Variants in DNAH10 observed in about 807,000 individuals in gnomAD.
DNAH10 encodes axonemal beta dynein heavy chain 10.
A neutral mutation model predicts 506.6 loss-of-function variants in DNAH10; 348 were observed. That is an observed-to-expected ratio of 0.69 (90% CI 0.63 to 0.75). The LOEUF (loss-of-function observed/expected upper bound fraction) is 0.75. Among genes scored for constraint, DNAH10 ranks in the 30% least tolerant of loss-of-function variants. The probability of loss-of-function intolerance (pLI) is 0.00; values close to 1 mark genes in which losing one functional copy is unlikely to be tolerated. For synonymous variants in DNAH10, 2,059 were observed against 2,198.6 expected (o/e 0.94, Z 1.78); for missense variants, 5,179 against 5,787.1 (o/e 0.89, Z 3.41).
At position 123,877,727 on chromosome 12, in the gene DNAH10, AT is replaced by A; in HGVS notation, c.8200-4del. 6.2e-7 allele frequency: 1 copy of A among 1,606,628 alleles called. No homozygotes were observed. The highest frequency in any genetic ancestry group is 2.2e-5 in the East Asian group (1 of 44,774). On this transcript the variant is annotated splice_polypyrimidine_tract_variant and splice_region_variant and intron_variant, in intron 47 of 78. Transcript: ENST00000673944. ...TGTGTGTTGGGGGGGGTGTCTTTGC[AT>A]TTTTCAGACGTTTCATGAGAGCATT... is the stretch of plus-strand genomic sequence containing the variant.
Position 123,931,478 on chromosome 12 carries a change from C to A in DNAH10, c.12916+6C>A. 2 of 1,613,196 alleles carry A rather than the reference C, an allele frequency of 1.2e-6. No individual in the cohort carries two copies. The highest frequency in any genetic ancestry group is 1.7e-6 in the Non-Finnish European group (2 of 1,179,494). ...GGAGCTGCAGCCTCAGACAGGTAAA[C>A]TCTACTCAGGAGGACTTCATTAGTT... On this transcript the variant is annotated splice_donor_region_variant and intron_variant, in intron 74 of 78. Transcript: ENST00000673944.
chr12:123,877,823 C>T lies in DNAH10; in HGVS notation c.8287C>T (p.Pro2763Ser), dbSNP rs556641156. ...LYKNIVQDLP[P>S]TPSKFHYIFN... ...CAAAAATATTGTGCAAGACCTACCT[C>T]CCACTCCGTCAAAGTTCCATTACAT... Residue 2763 changes from proline (P) to serine (S), a missense_variant, in exon 48 of 79, where the codon CCC becomes TCC. Pro to Ser is a moderately conservative substitution (Grantham distance 74, BLOSUM62 -1). Transcript: ENST00000673944. 9.3e-6 allele frequency: 15 copies of T among 1,613,996 alleles called. No individual in the cohort carries two copies. In the East Asian group the frequency reaches 1.1e-4, roughly 12 times the overall value.
In DNAH10 at chr12:123,771,729, G is replaced by A. The variant is rs180968493; in HGVS notation, c.396+31G>A. On this transcript the variant is annotated intron_variant, in intron 3 of 78. Coordinates refer to ENST00000673944, the MANE Select transcript of DNAH10 (RefSeq NM_001372106.1). The stretch of plus-strand genomic sequence containing the variant: ...CATGGCTCTTTGTCCTTGTTGGTGG[G>A]GTAATGGGGACCCTTGATGCCCTCT... 2.2e-5 allele frequency: 35 copies of A among 1,558,330 alleles called. No individual in the cohort carries two copies. In the African/African-American group the frequency reaches 2.3e-4, roughly 10 times the overall value.
At chr12:123,820,477 T>C (rs1037374544) in intron 23 of DNAH10, 103 bp from the exon 24 acceptor site, 2 of 1,221,530 alleles carry the variant, frequency 1.6e-6, no homozygotes, top group Admixed American at 2.6e-5. Flanking sequence ...GTGTGGTTTA[T>C]GAGGATGAAA....
At chr12:123,801,472 A>G in intron 16 of DNAH10, 40 bp downstream of exon 16, 2 of 1,591,970 alleles carry the variant, frequency 1.3e-6, no homozygotes, top group Non-Finnish European at 1.7e-6. Flanking sequence ...TAGACTTGGG[A>G]TGCAAAGTAA....
chr12:123,790,532 T>A (rs969565327), intron 11 of DNAH10, among the ~76,000 whole-genome samples: 2 of 152,064 alleles, frequency 1.3e-5, no homozygotes, highest in African/African-American at 4.8e-5. Context: ...CCTTTGGGAT[T>A]GAGGAAGATT....
At chr12:123,799,789 C>T (rs76955253) in intron 14 of DNAH10, among the ~76,000 whole-genome samples, 16,477 of 151,974 alleles carry the variant, frequency 0.11, 1,786 homozygotes, top group African/African-American at 0.28. Context: ...GGTGAATGCT[C>T]GATAAACGAA....
At chr12:123,879,001 C>G (rs763205017) in intron 48 of DNAH10, among the ~76,000 whole-genome samples, 4 of 152,178 alleles carry the variant, frequency 2.6e-5, no homozygotes, top group Admixed American at 2.0e-4. Context: ...ACTTATTTTA[C>G]GTCATTTATA....
chr12:123,847,880 G>C (rs546253252), intron 32 of DNAH10, 81 bp from the exon 33 acceptor site: 1 of 1,520,214 alleles, frequency 6.6e-7, no homozygotes, highest in Non-Finnish European at 8.9e-7. Context: ...TGCACCTATA[G>C]TCACAGTGAT....
chr12:123,910,577 G>T lies in DNAH10; in HGVS notation c.10039G>T (p.Ala3347Ser). ...TAATACCACAACTGAAGAAATGGAA[G>T]CTGTCAGCAAAGCCGGGCTGGGGAT... is the stretch of plus-strand genomic sequence containing the variant. The part of the protein sequence containing the change: ...TLNTTTEEME[A>S]VSKAGLGMLK... The change falls in exon 59 of 79, where the codon GCT (alanine) becomes TCT (serine). Residue 3347 changes from alanine (A) to serine (S), a missense_variant. Physicochemically the swap from Ala to Ser is moderately conservative, Grantham distance 99 (BLOSUM62 1). Coordinates refer to ENST00000673944, the MANE Select transcript of DNAH10 (RefSeq NM_001372106.1). The T allele has an allele frequency of 1.2e-6, 2 of 1,613,784 alleles. No homozygotes were observed. Among genetic ancestry groups the T allele is most frequent in the Non-Finnish European group, 1.7e-6 (2 of 1,179,858 alleles).
Position 123,914,493 on chromosome 12 carries a change from C to T in DNAH10, c.10517C>T (p.Pro3506Leu). 1.2e-6 allele frequency: 2 copies of T among 1,613,738 alleles called. No homozygotes were observed. The highest frequency in any genetic ancestry group is 1.7e-6 in the Non-Finnish European group (2 of 1,179,888). The change falls in exon 61 of 79, where the codon CCC (proline) becomes CTC (leucine). Residue 3506 changes from proline (P) to leucine (L), a missense_variant. Physicochemically the swap from Pro to Leu is moderately conservative, Grantham distance 98. Around this residue, in one of 3 missense-constraint regions of DNAH10, gnomAD observed 4,844 missense variants for 5,430.5 expected, o/e 0.89. Coordinates refer to ENST00000673944, the MANE Select transcript of DNAH10 (RefSeq NM_001372106.1). ...AATGACATCCTGGAGCGGGAGATCC[C>T]CCTGAGCCAGCCTTTCCGGCTGGAA... is the stretch of plus-strand genomic sequence containing the variant. ...WQNDILEREI[P>L]LSQPFRLESL... is the part of the protein sequence containing the mutation.
chr12:123,818,866 C>T lies in DNAH10; in HGVS notation c.3781-84C>T, dbSNP rs1959189916. The stretch of plus-strand genomic sequence containing the variant: ...CTCCTGTTGCCACAAGCAGAAGTCC[C>T]TGGGAGGTAACTTTGACCATCAATT... On this transcript the variant is annotated intron_variant, in intron 21 of 78. Transcript: ENST00000673944. 1.5e-5 allele frequency: 14 copies of T among 917,732 alleles called. No homozygotes were observed. In the Admixed American group the frequency reaches 2.8e-4, roughly 18 times the overall value. 56.8% of individuals were successfully genotyped at this position (917,732 alleles called of 1,614,324 possible).
At chr12:123,905,563 T>C (rs745799436) in intron 57 of DNAH10, among the ~76,000 whole-genome samples, 1 of 152,160 alleles carries the variant, frequency 6.6e-6, no homozygotes, top group Non-Finnish European at 1.5e-5. Context: ...TTTTTGCATA[T>C]TTTGTAGATG....
rs576836089 is a variant in DNAH10, at chr12:123,812,792, G to A, written c.3145-372G>A. On this transcript the variant is annotated intron_variant, in intron 19 of 78. Coordinates refer to ENST00000673944, the MANE Select transcript of DNAH10 (RefSeq NM_001372106.1). ...CTCAAGCACAGCTCTGATGGGTGGC[G>A]GCTGGGGTTCTCTTGTGTATGGCCT... is the stretch of plus-strand genomic sequence containing the variant. 4.6e-5 allele frequency among the ~76,000 whole-genome samples: 7 copies of A among 152,248 alleles called. No homozygotes were observed. In the East Asian group the frequency reaches 9.7e-4, roughly 21 times the overall value.
At chr12:123,830,846 G>A in intron 26 of DNAH10, 147 bp downstream of exon 26, 1 of 851,504 alleles carries the variant, frequency 1.2e-6, no homozygotes, top group Non-Finnish European at 1.7e-6. Context: ...GGGAGGCTGA[G>A]GTGGGAGGAT....
chr12:123,853,419 G>T lies in DNAH10; in HGVS notation c.6438+67G>T, dbSNP rs1357525023. The T allele has an allele frequency of 6.5e-7, 1 of 1,543,464 alleles. No individual in the cohort carries two copies. Among genetic ancestry groups the T allele is most frequent in the Non-Finnish European group, 8.7e-7 (1 of 1,143,314 alleles). ...TCAGGCATTTACTACGTGCCATTGGGGAGGTGATGGGCACAGTATGGTATC... is the reference window on the plus strand; with the variant it reads ...TCAGGCATTTACTACGTGCCATTGGTGAGGTGATGGGCACAGTATGGTATC... On this transcript the variant is annotated intron_variant, in intron 36 of 78. Transcript: ENST00000673944. The surrounding 1 kb of genome is among the most constrained non-coding windows in gnomAD (Gnocchi z 4.7).
chr12:123,833,164 C>T lies in DNAH10; in HGVS notation c.4596C>T (p.Val1532=). 1 of 1,613,766 alleles carries T rather than the reference C, an allele frequency of 6.2e-7. No homozygotes were observed. Among genetic ancestry groups the T allele is most frequent in the Non-Finnish European group, 8.5e-7 (1 of 1,179,824 alleles). ...DTWENMKFTV[V]KYCKGTQERG... ...GGGAAAATATGAAATTCACTGTAGTCAAGTATTGCAAAGGCACACAGGAGC... is the reference window on the plus strand; with the variant it reads ...GGGAAAATATGAAATTCACTGTAGTTAAGTATTGCAAAGGCACACAGGAGC... Residue 1532 remains valine (V), a synonymous_variant, in exon 27 of 79, where the codon GTC becomes GTT. Transcript: ENST00000673944.
chr12:123,835,373 C>T (rs752357446), intron 27 of DNAH10, 33 bp from the exon 28 acceptor site: 1 of 1,609,056 alleles, frequency 6.2e-7, no homozygotes, highest in African/African-American at 1.3e-5. Context: ...ATCTGATAAC[C>T]CCTGCTGACA....
At chr12:123,807,149 A>G (rs1360493220) in intron 18 of DNAH10, among the ~76,000 whole-genome samples, 1 of 151,706 alleles carries the variant, frequency 6.6e-6, no homozygotes, top group Non-Finnish European at 1.5e-5. Context: ...CCATCCATCC[A>G]TCTGTTCATT....
Sources: gnomAD v4.1 joint callset for allele counts (sites outside exome capture counted in the v4.1 genomes callset) on GRCh38, gnomAD v4.1.1 for gene constraint, gnomAD v4.1.1 regional missense constraint, Gnocchi (gnomAD v3.1) non-coding constraint, MANE v1.5 for transcripts, NCBI Gene and HGNC (gene_info 2026-07-23, HGNC 2026-07-21) for gene names.